Variants in GIPC2 observed in about 807,000 individuals in gnomAD.
The protein encoded by GIPC2 is PDZ domain-containing protein GIPC2.
In GIPC2, 30 loss-of-function variants were observed where a neutral mutation model predicts 30.6. The observed-to-expected ratio is 0.98, with a 90% CI of 0.73 to 1.33. The LOEUF is 1.33. GIPC2 is among the 40% of genes most tolerant of loss of function. The probability of loss-of-function intolerance (pLI) is 0.00; values close to 1 mark genes in which losing one functional copy is unlikely to be tolerated. For synonymous variants in GIPC2, 167 were observed against 150.0 expected, an observed-to-expected ratio of 1.11 and a Z score of -0.83; for missense variants, 414 against 390.3, an observed-to-expected ratio of 1.06 and a Z score of -0.51.
At chr1:78,075,112 GA>G (rs1661693153) in intron 1 of GIPC2, among the ~76,000 whole-genome samples, 1 of 152,142 alleles carries the variant, frequency 6.6e-6, no homozygotes, top group Non-Finnish European at 1.5e-5. Flanking sequence ...GCAAGTAACA[GA>G]AAACTACTTA....
At chr1:78,124,825 G>T (rs1284675524) in intron 4 of GIPC2, among the ~76,000 whole-genome samples, 10 of 152,082 alleles carry the variant, frequency 6.6e-5, no homozygotes, top group Admixed American at 6.6e-4. Flanking sequence ...GGCCAACATG[G>T]TGAAACCCCG....
rs55717739 is a variant in GIPC2 at position 78,112,608 on chromosome 1, C to T, written c.608-6785C>T. The T allele has an allele frequency of 5.5e-3, 2,821 of 512,242 alleles. 56 individuals are homozygous for T. The highest frequency in any genetic ancestry group is 0.05 in the African/African-American group (2,591 of 51,854). The allele number at this position is 512,242 out of a possible 1,614,324, so 31.7% of individuals were successfully genotyped here. A position where few individuals can be genotyped will look rare whatever the true frequency, so the allele number is the denominator to read the frequency against. On this transcript the variant is annotated intron_variant, in intron 3 of 5. Transcript: ENST00000370759. ...GGAAGTGGGGAGAATATACAGCCTC[C>T]CCACTGCTTGGTCCTTCCGTCAGTT...
chr1:78,127,392 G>A lies in GIPC2; in HGVS notation c.796+1430G>A, dbSNP rs149721693. Among the ~76,000 whole-genome samples, 670 of 152,316 alleles carry A rather than the reference G, an allele frequency of 4.4e-3. 2 individuals carry two copies. The highest frequency in any genetic ancestry group is 6.9e-3 in the Non-Finnish European group (466 of 68,028). ...GAAGAAATCAGAAACATAACAAAAA[G>A]TGGGTTCCTGTTGCAAGGTTACTTT... On this transcript the variant is annotated intron_variant, in intron 5 of 5. Coordinates refer to ENST00000370759, the MANE Select transcript of GIPC2 (RefSeq NM_017655.6).
rs1165574395 is a variant in GIPC2 at position 78,095,118 on chromosome 1, C to G, written c.593C>G (p.Pro198Arg). The G allele has an allele frequency of 1.2e-6, 2 of 1,611,162 alleles. No homozygotes were observed. The highest frequency in any genetic ancestry group is 1.7e-6 in the Non-Finnish European group (2 of 1,177,904). Residue 198 changes from proline (P) to arginine (R), a missense_variant, in exon 3 of 6, where the codon CCT becomes CGT. Physicochemically the swap from Pro to Arg is moderately radical, Grantham distance 103. Transcript: ENST00000370759. ...CTCTTTACTATGAAGTTAATAGAACCTAAGAAGGCATTTGGTAAGTCAGGG... is the reference window on the plus strand; with the variant it reads ...CTCTTTACTATGAAGTTAATAGAACGTAAGAAGGCATTTGGTAAGTCAGGG... ...EELFTMKLIE[P>R]KKAFEIELRS...
chr1:78,094,908 A>G, intron 2 of GIPC2, 44 bp from the exon 3 acceptor site: 1 of 1,358,392 alleles, frequency 7.4e-7, no homozygotes, highest in Non-Finnish European at 1.0e-6. Flanking sequence ...TGCATTCATT[A>G]CACAGTTCTA....
At position 78,138,381 on chromosome 1, in the gene GIPC2, AATG is replaced by A. The variant is rs1361413135; in HGVS notation, c.*2642_*2644del. The A allele has an allele frequency of 6.6e-6, 1 of 152,264 alleles. No individual in the cohort carries two copies. Among genetic ancestry groups the A allele is most frequent in the Non-Finnish European group, 1.5e-5 (1 of 68,050 alleles). The allele number at this position is 152,264 out of a possible 1,614,324, so 9.4% of individuals were successfully genotyped here. A position where few individuals can be genotyped will look rare whatever the true frequency, so the allele number is the denominator to read the frequency against. The stretch of plus-strand genomic sequence containing the variant: ...TTAACTAAAGAGAGATAATTTTTCA[AATG>A]ATGTATAATTTGCAATATTTTCCCT... On this transcript the variant is annotated 3_prime_UTR_variant, in exon 6 of 6. Coordinates refer to ENST00000370759, the MANE Select transcript of GIPC2 (RefSeq NM_017655.6).
At chr1:78,054,076 A>G (rs1661245059) in intron 1 of GIPC2, among the ~76,000 whole-genome samples, 2 of 152,146 alleles carry the variant, frequency 1.3e-5, no homozygotes, top group Non-Finnish European at 2.9e-5. Flanking sequence ...ACATTCAACA[A>G]TATTTAACTG....
intron 3 of GIPC2, among the ~76,000 whole-genome samples, chr1:78,114,411 C>T (rs1348644431): frequency 1.3e-5 from 2 of 152,170 alleles, no homozygotes; most frequent in Non-Finnish European, 2.9e-5. Flanking sequence ...AAACACAAAA[C>T]CTGTTTTTTC....
upstream of GIPC2, chr1:78,045,596 C>T (rs183509755): frequency 5.0e-5 from 49 of 985,442 alleles, no homozygotes; most frequent in African/African-American, 7.7e-4. Context: ...TCCAATTCTG[C>T]CCTGCAGAGC....
chr1:78,107,392 G>T (rs1662375269), intron 3 of GIPC2, among the ~76,000 whole-genome samples: 1 of 152,110 alleles, frequency 6.6e-6, no homozygotes, highest in African/African-American at 2.4e-5. Flanking sequence ...CAGTATGCCA[G>T]CCTTGGCCTC....
At chr1:78,093,784 A>T (rs1186907046) in intron 2 of GIPC2, among the ~76,000 whole-genome samples, 1 of 152,092 alleles carries the variant, frequency 6.6e-6, no homozygotes, top group Non-Finnish European at 1.5e-5. Flanking sequence ...CCTATGAAGG[A>T]TTTGGGACTT....
At chr1:78,067,128 T>TTG (rs760999995) in intron 1 of GIPC2, among the ~76,000 whole-genome samples, 3 of 152,056 alleles carry the variant, frequency 2.0e-5, no homozygotes, top group Non-Finnish European at 4.4e-5. Flanking sequence ...CTGTGGCTAT[T>TTG]TGACAGGTTT....
chr1:78,128,833 A>AAAAAC (rs976520311), intron 5 of GIPC2, among the ~76,000 whole-genome samples: 1 of 151,986 alleles, frequency 6.6e-6, no homozygotes, highest in Non-Finnish European at 1.5e-5. Flanking sequence ...CTAAAAAAAC[A>AAAAAC]AAAACAAAAC....
intron 3 of GIPC2, among the ~76,000 whole-genome samples, chr1:78,105,712 A>C (rs1402049412): frequency 6.6e-6 from 1 of 152,194 alleles, no homozygotes; most frequent in Non-Finnish European, 1.5e-5. Flanking sequence ...GGGGTAAAAA[A>C]TGATGCTTAA....
chr1:78,121,747 G>A (rs989223465), intron 4 of GIPC2, among the ~76,000 whole-genome samples: 29 of 152,192 alleles, frequency 1.9e-4, no homozygotes, highest in Admixed American at 1.6e-3. Flanking sequence ...CTGGGCATTT[G>A]GAGCCTTTAT....
intron 4 of GIPC2, among the ~76,000 whole-genome samples, chr1:78,124,416 A>C (rs1662744215): frequency 6.6e-6 from 1 of 152,306 alleles, no homozygotes. Context: ...GTAATTGATA[A>C]GCAATACATA....
chr1:78,054,612 C>T (rs961780148), intron 1 of GIPC2, among the ~76,000 whole-genome samples: 2 of 152,168 alleles, frequency 1.3e-5, no homozygotes, highest in Admixed American at 6.5e-5. Flanking sequence ...GGATTTACAT[C>T]ATACCATCTG....
chr1:78,045,786 G>A (rs191982465), upstream of GIPC2: 6 of 1,138,362 alleles, frequency 5.3e-6, no homozygotes, highest in Admixed American at 1.0e-4. Flanking sequence ...CTGTAGCGTC[G>A]GCATCCTCAG....
chr1:78,130,104 CTT>C (rs752502793), intron 5 of GIPC2, among the ~76,000 whole-genome samples: 10 of 117,130 alleles, frequency 8.5e-5, no homozygotes, highest in African/African-American at 9.1e-5. Flanking sequence ...CCTAGGATCA[CTT>C]TTTTTTTTTT....
Sources: allele counts gnomAD v4.1 joint callset (sites outside exome capture counted in the v4.1 genomes callset), GRCh38; gene constraint gnomAD v4.1.1; transcripts MANE v1.5; gene names NCBI Gene and HGNC (gene_info 2026-07-23, HGNC 2026-07-21).